Variants in SHISA6 observed in about 807,000 individuals in gnomAD.
The protein encoded by SHISA6 is protein shisa-6.
Under a neutral mutation model 47.9 loss-of-function variants are expected in SHISA6, and 22 were observed. The ratio of observed to expected loss-of-function variants is 0.46; its 90% CI spans 0.33 to 0.66. The LOEUF (loss-of-function observed/expected upper bound fraction) is 0.66, where lower values mean the gene tolerates loss of function less well. Among genes scored for constraint, SHISA6 ranks in the 30% least tolerant of loss-of-function variants. The probability of loss-of-function intolerance (pLI) is 0.02; values close to 1 mark genes in which losing one functional copy is unlikely to be tolerated. For missense variants in SHISA6, 680 were observed against 764.6 expected, an observed-to-expected ratio of 0.89 and a Z score of 1.30; for synonymous variants, 388 against 337.8, an observed-to-expected ratio of 1.15 and a Z score of -1.63.
intron 3 of SHISA6, among the ~76,000 whole-genome samples, chr17:11,511,251 C>T (rs2071539080): frequency 6.6e-6 from 1 of 151,976 alleles, no homozygotes; most frequent in Admixed American, 6.6e-5. Context: ...CACATGGACA[C>T]AGGGAGGGCA....
At chr17:11,464,321 C>T (rs1915759329) in intron 3 of SHISA6, among the ~76,000 whole-genome samples, 1 of 152,164 alleles carries the variant, frequency 6.6e-6, no homozygotes, top group South Asian at 2.1e-4. Context: ...ATAAAATTGG[C>T]TCAATTCCCA....
intron 1 of SHISA6, among the ~76,000 whole-genome samples, chr17:11,255,067 A>G (rs2142139897): frequency 6.6e-6 from 1 of 152,362 alleles, no homozygotes. Flanking sequence ...CATCTCCCAT[A>G]CCACTATGTC....
At chr17:11,521,349 C>G (rs2071627649) in intron 3 of SHISA6, among the ~76,000 whole-genome samples, 1 of 152,092 alleles carries the variant, frequency 6.6e-6, no homozygotes, top group South Asian at 2.1e-4. Flanking sequence ...CATCCTTATT[C>G]TAAGTTTGGT....
intron 2 of SHISA6, among the ~76,000 whole-genome samples, chr17:11,285,723 C>G (rs1909271625): frequency 6.6e-6 from 1 of 152,108 alleles, no homozygotes; most frequent in Non-Finnish European, 1.5e-5. Flanking sequence ...CACAGATTAG[C>G]GTAGCTGGGA....
intron 3 of SHISA6, among the ~76,000 whole-genome samples, chr17:11,410,917 A>G (rs1237078775): frequency 6.6e-6 from 1 of 152,180 alleles, no homozygotes; most frequent in Non-Finnish European, 1.5e-5. Flanking sequence ...TTCTTAGTAT[A>G]GATGGAAACA....
At chr17:11,376,722 A>G (rs1347817793) in intron 2 of SHISA6, among the ~76,000 whole-genome samples, 2 of 152,086 alleles carry the variant, frequency 1.3e-5, no homozygotes, top group African/African-American at 4.8e-5. Context: ...CTAGACCTTG[A>G]CCCTGGGTCC....
At chr17:11,365,985 G>T (rs1227457477) in intron 2 of SHISA6, among the ~76,000 whole-genome samples, 1 of 152,202 alleles carries the variant, frequency 6.6e-6, no homozygotes, top group East Asian at 1.9e-4. Flanking sequence ...GTTCCAGGAA[G>T]AGGGAACTGC....
At chr17:11,352,585 G>C (rs1597471568) in intron 2 of SHISA6, among the ~76,000 whole-genome samples, 1 of 152,312 alleles carries the variant, frequency 6.6e-6, no homozygotes, top group Non-Finnish European at 1.5e-5. Context: ...GGTAATGGTT[G>C]GGGGAGCAGC....
chr17:11,438,777 A>G (rs1260085070), intron 3 of SHISA6, among the ~76,000 whole-genome samples: 2 of 152,346 alleles, frequency 1.3e-5, no homozygotes, highest in East Asian at 1.9e-4. Context: ...TTTTAAAGAC[A>G]TTGTTAATTA....
chr17:11,256,899 G>A (rs538375135), intron 1 of SHISA6, among the ~76,000 whole-genome samples: 32 of 152,270 alleles, frequency 2.1e-4, no homozygotes, highest in South Asian at 8.3e-4. Flanking sequence ...TAGTGACAGC[G>A]CCAGGACAGG....
intron 2 of SHISA6, among the ~76,000 whole-genome samples, chr17:11,294,205 A>T (rs1391042230): frequency 2.0e-5 from 3 of 152,084 alleles, no homozygotes; most frequent in Non-Finnish European, 4.4e-5. Flanking sequence ...TAATATCCTC[A>T]ATACTGAGGG....
intron 3 of SHISA6, among the ~76,000 whole-genome samples, chr17:11,543,181 CCTAA>C (rs1246721728): frequency 3.3e-5 from 5 of 152,088 alleles, no homozygotes; most frequent in Non-Finnish European, 7.4e-5. Flanking sequence ...TGTGTCTTCT[CCTAA>C]CTTTTAAAAG....
chr17:11,252,980 C>A (rs1179847562), intron 1 of SHISA6, among the ~76,000 whole-genome samples: 1 of 152,242 alleles, frequency 6.6e-6, no homozygotes. Context: ...CGTTTCAGTG[C>A]TCAGATAATC....
intron 2 of SHISA6, among the ~76,000 whole-genome samples, chr17:11,278,445 G>T (rs190122027): frequency 6.6e-6 from 1 of 152,164 alleles, no homozygotes; most frequent in Non-Finnish European, 1.5e-5. Context: ...GTGTCTCCTC[G>T]CCCATATGTG....
At chr17:11,359,763 C>T (rs1223575250) in intron 2 of SHISA6, among the ~76,000 whole-genome samples, 2 of 152,164 alleles carry the variant, frequency 1.3e-5, no homozygotes, top group South Asian at 4.1e-4. Flanking sequence ...CCAAACAGTT[C>T]TCACCGGGAA....
intron 3 of SHISA6, among the ~76,000 whole-genome samples, chr17:11,423,326 T>TATAG (rs57338481): frequency 0.13 from 19,174 of 142,502 alleles, 1,485 homozygotes; most frequent in South Asian, 0.25. Context: ...GTAACATATA[T>TATAG]ATAGATAGAT....
At chr17:11,408,365 G>A (rs887669233) in intron 3 of SHISA6, among the ~76,000 whole-genome samples, 1 of 152,204 alleles carries the variant, frequency 6.6e-6, no homozygotes, top group African/African-American at 2.4e-5. Context: ...CTCTATCCCA[G>A]ACTTACTGAA....
chr17:11,322,226 C>T (rs1452085051), intron 2 of SHISA6, among the ~76,000 whole-genome samples: 1 of 152,046 alleles, frequency 6.6e-6, no homozygotes, highest in Non-Finnish European at 1.5e-5. Flanking sequence ...CCCCACTCTA[C>T]ATTGTTTCAC....
chr17:11,442,370 C>T (rs1192031305), intron 3 of SHISA6, among the ~76,000 whole-genome samples: 1 of 151,994 alleles, frequency 6.6e-6, no homozygotes, highest in Non-Finnish European at 1.5e-5. Context: ...ACATCCCTCA[C>T]TTCCTCCAAA....
Sources: gnomAD v4.1 joint callset for allele counts (sites outside exome capture counted in the v4.1 genomes callset) on GRCh38, gnomAD v4.1.1 for gene constraint, MANE v1.5 for transcripts, NCBI Gene and HGNC (gene_info 2026-07-23, HGNC 2026-07-21) for gene names.